Variants in N4BP1 observed in about 807,000 individuals in gnomAD.
N4BP1 encodes the protein NEDD4-binding protein 1.
N4BP1 carries 21 observed loss-of-function variants against 70.9 expected under a neutral mutation model. The ratio of observed to expected loss-of-function variants is 0.30; its 90% CI spans 0.21 to 0.43. The LOEUF (loss-of-function observed/expected upper bound fraction) is 0.43. Among genes scored for constraint, N4BP1 ranks in the 20% least tolerant of loss-of-function variants. The pLI is 1.00. For synonymous variants in N4BP1, 387 were observed against 394.6 expected (o/e 0.98, Z 0.23); for missense variants, 936 against 1,069.4 (o/e 0.88, Z 1.74).
intron 1 of N4BP1, among the ~76,000 whole-genome samples, chr16:48,584,162 T>G (rs1964210480): frequency 6.6e-6 from 1 of 152,226 alleles, no homozygotes; most frequent in Non-Finnish European, 1.5e-5. Flanking sequence ...GGAATCTGAT[T>G]TTATGGTCTG....
intron 2 of N4BP1, among the ~76,000 whole-genome samples, chr16:48,555,625 C>A (rs1555497526): frequency 6.6e-6 from 1 of 152,044 alleles, no homozygotes; most frequent in Non-Finnish European, 1.5e-5. Context: ...AAGAAGGTAA[C>A]AAAGTGACAT....
intron 1 of N4BP1, among the ~76,000 whole-genome samples, chr16:48,580,100 G>C (rs1413893317): frequency 6.6e-6 from 1 of 151,802 alleles, no homozygotes; most frequent in East Asian, 1.9e-4. Context: ...AGAAATAAAT[G>C]AAAGATTAGA....
At chr16:48,568,822 C>T (rs12443883) in intron 1 of N4BP1, among the ~76,000 whole-genome samples, 27,005 of 152,158 alleles carry the variant, frequency 0.18, 3,186 homozygotes, top group East Asian at 0.64. Flanking sequence ...ATGATTTTTA[C>T]GTTCTCAGTT....
chr16:48,589,431 T>C (rs1313875608), intron 1 of N4BP1, among the ~76,000 whole-genome samples: 1 of 152,130 alleles, frequency 6.6e-6, no homozygotes, highest in African/African-American at 2.4e-5. Flanking sequence ...AAAACCCAAA[T>C]GGACTGGCTT....
chr16:48,578,594 G>C (rs942818775), intron 1 of N4BP1, among the ~76,000 whole-genome samples: 1 of 152,126 alleles, frequency 6.6e-6, no homozygotes, highest in South Asian at 2.1e-4. Flanking sequence ...TCTTCCTACT[G>C]TCAGTTTTAC....
intron 2 of N4BP1, chr16:48,559,535 T>A (rs2151088728): frequency 6.6e-6 from 1 of 152,322 alleles, no homozygotes; most frequent in Middle Eastern, 3.4e-3. Flanking sequence ...AACCTTAGTA[T>A]GTGAACAAAT....
intron 1 of N4BP1, among the ~76,000 whole-genome samples, chr16:48,577,077 A>T (rs1368699835): frequency 6.6e-6 from 1 of 152,140 alleles, no homozygotes; most frequent in Non-Finnish European, 1.5e-5. Context: ...CACTTTTTGA[A>T]AAAGGTAGCC....
intron 1 of N4BP1, among the ~76,000 whole-genome samples, chr16:48,585,023 C>G (rs1447152132): frequency 3.3e-5 from 5 of 152,088 alleles, no homozygotes; most frequent in African/African-American, 1.2e-4. Flanking sequence ...CCTCTGCCTC[C>G]TGGGTTAAAG....
intron 6 of N4BP1, among the ~76,000 whole-genome samples, chr16:48,545,507 G>A (rs1321662577): frequency 1.3e-5 from 2 of 151,476 alleles, no homozygotes; most frequent in Admixed American, 6.6e-5. Context: ...GAACCTGGGA[G>A]GCGGAGGTTG....
Position 48,561,840 on chromosome 16 carries a change from C to T in N4BP1, c.803G>A (p.Gly268Asp). 1 of 1,613,812 alleles carries T rather than the reference C, an allele frequency of 6.2e-7. No homozygotes were observed. Among genetic ancestry groups the T allele is most frequent in the Non-Finnish European group, 8.5e-7 (1 of 1,179,874 alleles). The change falls in exon 2 of 7, where the codon GGT becomes GAT. Residue 268 changes from glycine (G) to aspartate (D), a missense_variant. By Grantham distance (94) the Gly-to-Asp change is moderately conservative. Coordinates refer to ENST00000262384, the MANE Select transcript of N4BP1 (RefSeq NM_153029.4). ...AAGTGCCTCTTCATCTGGGGTTAGA[C>T]CATTTATTGGATCAAAAAGCACATC... ...SPDVLFDPIN[G>D]LTPDEEALSN...
intron 2 of N4BP1, among the ~76,000 whole-genome samples, chr16:48,559,232 A>G (rs144472666): frequency 2.0e-5 from 3 of 152,332 alleles, no homozygotes; most frequent in Non-Finnish European, 4.4e-5. Flanking sequence ...CAAATATACT[A>G]TAAACATATA....
intron 1 of N4BP1, among the ~76,000 whole-genome samples, chr16:48,586,023 T>C (rs1478702557): frequency 6.6e-6 from 1 of 152,196 alleles, no homozygotes; most frequent in Non-Finnish European, 1.5e-5. Context: ...AAGTTGGATG[T>C]TGCTCAGTTG....
intron 1 of N4BP1, among the ~76,000 whole-genome samples, chr16:48,579,371 T>C (rs1017767881): frequency 6.6e-6 from 1 of 152,188 alleles, no homozygotes; most frequent in African/African-American, 2.4e-5. Context: ...TACTTCTAAA[T>C]AAGGGAAAAG....
intron 1 of N4BP1, among the ~76,000 whole-genome samples, chr16:48,578,864 G>A (rs544843450): frequency 6.6e-6 from 1 of 152,278 alleles, no homozygotes; most frequent in Admixed American, 6.5e-5. Flanking sequence ...ATACGTAACA[G>A]TATCTTATTA....
Position 48,562,352 on chromosome 16 carries a change from C to T in N4BP1, c.291G>A (p.Leu97=), listed in dbSNP as rs760086747. Residue 97 remains leucine (L), a synonymous_variant, in exon 2 of 7, where the codon CTG becomes CTA. Coordinates refer to ENST00000262384, the MANE Select transcript of N4BP1 (RefSeq NM_153029.4). ...MHCIFVGAES[L]FLKSLIQDTC... ...TATCCTGAATCAAGCTTTTCAGAAACAGGCTCTCTGCCCCAACAAAAATGC... is the reference window on the plus strand; with the variant it reads ...TATCCTGAATCAAGCTTTTCAGAAATAGGCTCTCTGCCCCAACAAAAATGC... The T allele has an allele frequency of 3.1e-6, 5 of 1,613,832 alleles. No homozygotes were observed. Among genetic ancestry groups the T allele is most frequent in the Non-Finnish European group, 4.2e-6 (5 of 1,179,802 alleles).
chr16:48,606,111 A>T (rs1281958143), intron 1 of N4BP1, among the ~76,000 whole-genome samples: 1 of 152,004 alleles, frequency 6.6e-6, no homozygotes, highest in Non-Finnish European at 1.5e-5. Context: ...CCGTCAATAC[A>T]CTCCCTGGCA....
chr16:48,586,506 A>G (rs1964247463), intron 1 of N4BP1, among the ~76,000 whole-genome samples: 1 of 152,148 alleles, frequency 6.6e-6, no homozygotes, highest in African/African-American at 2.4e-5. Flanking sequence ...ACCCTTGTCT[A>G]TAACGTAACA....
chr16:48,580,047 C>T (rs1038179598), intron 1 of N4BP1, among the ~76,000 whole-genome samples: 1 of 151,798 alleles, frequency 6.6e-6, no homozygotes, highest in Non-Finnish European at 1.5e-5. Flanking sequence ...CAAGACCAGC[C>T]TGGGCAACAT....
At chr16:48,578,116 C>A in intron 1 of N4BP1, 1 of 164,238 alleles carries the variant, frequency 6.1e-6, no homozygotes, top group South Asian at 1.4e-4. Flanking sequence ...AGTTAAAAGT[C>A]AATGATCTTA....
Sources: allele counts gnomAD v4.1 joint callset (sites outside exome capture counted in the v4.1 genomes callset), GRCh38; gene constraint gnomAD v4.1.1; transcripts MANE v1.5; gene names NCBI Gene and HGNC (gene_info 2026-07-23, HGNC 2026-07-21).